The following FAM227B variants were observed in gnomAD, a reference collection of about 807,000 sequenced individuals.
FAM227B encodes protein FAM227B.
A neutral mutation model predicts 73.8 loss-of-function variants in FAM227B; 88 were observed. The ratio of observed to expected loss-of-function variants is 1.19; its 90% confidence interval spans 1.00 to 1.42. The LOEUF (loss-of-function observed/expected upper bound fraction) is 1.42. FAM227B is among the 40% of genes most tolerant of loss of function. The pLI is 0.00. For missense variants in FAM227B, 632 were observed against 590.9 expected, an observed-to-expected ratio of 1.07 and a Z score of -0.72; for synonymous variants, 210 against 190.5, an observed-to-expected ratio of 1.10 and a Z score of -0.84.
At chr15:49,553,750 G>A (rs2073320750) in intron 9 of FAM227B, among the ~76,000 whole-genome samples, 1 of 152,154 alleles carries the variant, frequency 6.6e-6, no homozygotes, top group South Asian at 2.1e-4. Context: ...TCTTAAATCA[G>A]CTCTTGTTGA....
rs191295128 is a variant in FAM227B at position 49,505,409 on chromosome 15, T to C, written c.1012+2802A>G. ...TGCAATTTATTGTACACCAATTAGA[T>C]CTCAAAAAGCTGAAAAAACATGTAA... On this transcript the variant is annotated intron_variant, in intron 11 of 15. Coordinates refer to ENST00000299338, the MANE Select transcript of FAM227B (RefSeq NM_152647.3). Among the ~76,000 whole-genome samples the C allele has an allele frequency of 2.4e-3, 372 of 152,174 alleles. 5 individuals are homozygous for C. Among genetic ancestry groups the C allele is most frequent in the African/African-American group, 8.4e-3 (349 of 41,538 alleles).
chr15:49,454,531 A>G (rs1457068235), intron 11 of FAM227B, among the ~76,000 whole-genome samples: 1 of 152,198 alleles, frequency 6.6e-6, no homozygotes, highest in Non-Finnish European at 1.5e-5. Flanking sequence ...GGTTCCACTT[A>G]ACTTATCTGT....
intron 12 of FAM227B, 141 bp downstream of exon 12, chr15:49,371,159 ATC>A: frequency 2.3e-6 from 1 of 432,712 alleles, no homozygotes; most frequent in East Asian, 3.7e-5. Context: ...CCTCAAACAA[ATC>A]TCTTTTGACC....
At chr15:49,361,595 G>A (rs1284721656) in intron 13 of FAM227B, among the ~76,000 whole-genome samples, 1 of 152,116 alleles carries the variant, frequency 6.6e-6, no homozygotes, top group Non-Finnish European at 1.5e-5. Flanking sequence ...TTTTATGGCT[G>A]CACAGTATTC....
chr15:49,486,204 A>C (rs1001991555), intron 11 of FAM227B: 15 of 152,064 alleles, frequency 9.9e-5, no homozygotes, highest in Admixed American at 5.9e-4. Context: ...TATAGATGAG[A>C]GTTATATGAA....
rs149090669 is a variant in FAM227B at position 49,522,809 on chromosome 15, T to C, written c.875-14461A>G. ...GGATTACGTAAAGCAACCAAACCTA[T>C]GACTTATAGACATTTCTGAGGCAGA... On this transcript the variant is annotated intron_variant, in intron 10 of 15. Transcript: ENST00000299338. 2.9e-3 allele frequency among the ~76,000 whole-genome samples: 434 copies of C among 152,204 alleles called. 6 individuals carry two copies. The highest frequency in any genetic ancestry group is 0.027 in the South Asian group (128 of 4,826).
At chr15:49,566,115 C>T (rs2074637227) in intron 9 of FAM227B, among the ~76,000 whole-genome samples, 1 of 152,162 alleles carries the variant, frequency 6.6e-6, no homozygotes, top group Non-Finnish European at 1.5e-5. Context: ...TAGTAGGAGA[C>T]TAATACAGTC....
chr15:49,576,588 G>C, intron 7 of FAM227B, 153 bp downstream of exon 7: 1 of 590,290 alleles, frequency 1.7e-6, no homozygotes, highest in South Asian at 2.1e-5. Context: ...GTAATTAGCG[G>C]TTAGACACAT....
intron 10 of FAM227B, among the ~76,000 whole-genome samples, chr15:49,530,969 T>C (rs1052382693): frequency 6.6e-6 from 1 of 151,804 alleles, no homozygotes; most frequent in Non-Finnish European, 1.5e-5. Context: ...TCTTTTGTTT[T>C]CAAGTCATTA....
At chr15:49,362,033 G>A (rs986969193) in intron 13 of FAM227B, among the ~76,000 whole-genome samples, 4 of 152,070 alleles carry the variant, frequency 2.6e-5, no homozygotes, top group South Asian at 4.1e-4. Flanking sequence ...TGTGGGTTAC[G>A]TGTATGTCTT....
chr15:49,598,684 C>G (rs576644773), intron 3 of FAM227B, among the ~76,000 whole-genome samples: 8 of 151,400 alleles, frequency 5.3e-5, no homozygotes, highest in African/African-American at 1.7e-4. Context: ...TGTTAACATG[C>G]TTTTTCTTCA....
At chr15:49,328,880 C>A in intron 15 of FAM227B, 1 of 1,320,372 alleles carries the variant, frequency 7.6e-7, no homozygotes, top group Non-Finnish European at 9.7e-7. Context: ...ATTCTTTTGG[C>A]CCTGAGCTAT....
intron 12 of FAM227B, among the ~76,000 whole-genome samples, chr15:49,369,272 T>A (rs1315694240): frequency 6.6e-6 from 1 of 152,136 alleles, no homozygotes; most frequent in African/African-American, 2.4e-5. Flanking sequence ...TTTTGGTTTT[T>A]AAAGCAGAAT....
intron 11 of FAM227B, among the ~76,000 whole-genome samples, chr15:49,401,938 A>T (rs1052776302): frequency 6.7e-6 from 1 of 149,892 alleles, no homozygotes; most frequent in African/African-American, 2.5e-5. Context: ...CCAGCATGGC[A>T]CATGTATACA....
At chr15:49,461,109 A>G (rs897314940) in intron 11 of FAM227B, among the ~76,000 whole-genome samples, 4 of 152,118 alleles carry the variant, frequency 2.6e-5, no homozygotes, top group Non-Finnish European at 4.4e-5. Context: ...TGACTTAAAT[A>G]TCTCTTCCAT....
At chr15:49,591,029 G>GTTTTTTTTTTTT (rs71424023) in intron 3 of FAM227B, among the ~76,000 whole-genome samples, 2 of 105,604 alleles carry the variant, frequency 1.9e-5, no homozygotes, top group Non-Finnish European at 4.0e-5. Context: ...TCTTTTTTTT[G>GTTTTTTTTTTTT]TTTTTTTTTT....
chr15:49,480,464 T>C (rs1159602479), intron 11 of FAM227B, among the ~76,000 whole-genome samples: 2 of 143,200 alleles, frequency 1.4e-5, no homozygotes, highest in East Asian at 4.2e-4. Context: ...TGCACCACCA[T>C]GCCCAACTAA....
intron 13 of FAM227B, chr15:49,366,530 A>C: frequency 6.6e-7 from 1 of 1,510,644 alleles, no homozygotes; most frequent in Non-Finnish European, 9.2e-7. Context: ...GGTACTTGGA[A>C]GAGCTGACCA....
chr15:49,334,209 G>A, intron 14 of FAM227B: 1 of 975,700 alleles, frequency 1.0e-6, no homozygotes, highest in African/African-American at 1.8e-5. Flanking sequence ...AGCTGAATAA[G>A]AGACAAACCT....
Sources: allele counts gnomAD v4.1 joint callset (sites outside exome capture counted in the v4.1 genomes callset), GRCh38; gene constraint gnomAD v4.1.1; transcripts MANE v1.5; gene names NCBI Gene and HGNC (gene_info 2026-07-23, HGNC 2026-07-21).